Variants in LRRCC1 observed in about 807,000 individuals in gnomAD.
The protein encoded by LRRCC1 is leucine-rich repeat and coiled-coil domain-containing protein 1.
Under a neutral mutation model 126.0 loss-of-function variants are expected in LRRCC1, and 115 were observed. That is an observed-to-expected ratio of 0.91 (90% CI 0.78 to 1.07). LRRCC1 has a LOEUF of 1.07. LRRCC1 is among the 50% of genes least tolerant of loss of function. The probability of loss-of-function intolerance (pLI) is 0.00; values close to 1 mark genes in which losing one functional copy is unlikely to be tolerated. For synonymous variants in LRRCC1, 400 were observed against 393.4 expected, an observed-to-expected ratio of 1.02 and a Z score of -0.20; for missense variants, 1,172 against 1,175.7, an observed-to-expected ratio of 1.00 and a Z score of 0.05.
At chr8:85,127,602 A>T (rs1019128584) in intron 9 of LRRCC1, among the ~76,000 whole-genome samples, 5 of 152,116 alleles carry the variant, frequency 3.3e-5, no homozygotes, top group Admixed American at 1.3e-4. Context: ...TCTGATTTGG[A>T]TAAGTTGATG....
intron 4 of LRRCC1, among the ~76,000 whole-genome samples, chr8:85,113,633 T>A (rs1328764214): frequency 6.6e-6 from 1 of 152,106 alleles, no homozygotes; most frequent in African/African-American, 2.4e-5. Context: ...AAATGTATAA[T>A]GTTAGCTAAC....
Position 85,129,956 on chromosome 8 carries a change from C to A in LRRCC1, c.1664C>A (p.Ala555Asp). 1 of 1,594,596 alleles carries A rather than the reference C, an allele frequency of 6.3e-7. No homozygotes were observed. The highest frequency in any genetic ancestry group is 2.3e-5 in the East Asian group (1 of 43,604). Residue 555 changes from alanine (A) to aspartate (D), a missense_variant, in exon 11 of 19, where the codon GCT (alanine) becomes GAT (aspartate). Transcript: ENST00000360375. Reference protein sequence around the residue: ...LIQEVELKASAADREIYLLRT... With the variant: ...LIQEVELKASDADREIYLLRT... ...CAAGAGGTGGAACTCAAAGCTTCAGCTGCCGATAGAGAAATATACTTACTT... is the reference window on the plus strand; with the variant it reads ...CAAGAGGTGGAACTCAAAGCTTCAGATGCCGATAGAGAAATATACTTACTT...
At chr8:85,137,435 G>A in intron 14 of LRRCC1, 29 bp from the exon 15 acceptor site, 5 of 1,501,092 alleles carry the variant, frequency 3.3e-6, no homozygotes, top group Admixed American at 2.5e-5. Flanking sequence ...GTGTTTCAAA[G>A]TATGTAATTG....
intron 7 of LRRCC1, 24 bp from the exon 8 acceptor site, chr8:85,124,768 T>C: frequency 1.4e-6 from 2 of 1,445,138 alleles, no homozygotes; most frequent in African/African-American, 1.4e-5. Flanking sequence ...TTTTGAGTTA[T>C]TTTCTATGTT....
At chr8:85,111,855 C>G (rs1352768897) in intron 3 of LRRCC1, among the ~76,000 whole-genome samples, 3 of 150,692 alleles carry the variant, frequency 2.0e-5, no homozygotes, top group Non-Finnish European at 4.4e-5. Flanking sequence ...GGTACAACCA[C>G]TTTGGGAAGG....
At chr8:85,108,343 T>C (rs976663759) in intron 1 of LRRCC1, among the ~76,000 whole-genome samples, 3 of 152,246 alleles carry the variant, frequency 2.0e-5, no homozygotes, top group Non-Finnish European at 4.4e-5. Context: ...GCATGTTATA[T>C]ACATTATCAG....
At position 85,132,554 on chromosome 8, in the gene LRRCC1, G is replaced by A. The variant is rs553235630; in HGVS notation, c.1968+593G>A. 5.1e-4 allele frequency among the ~76,000 whole-genome samples: 78 copies of A among 151,938 alleles called. 1 individual carries two copies. Among genetic ancestry groups the A allele is most frequent in the Non-Finnish European group, 7.4e-4 (50 of 67,956 alleles). ...ACTACAGTCACAGGCCACCACGCCC[G>A]CCTAATTTTTGTATTTTTAGTAGAG... is the stretch of plus-strand genomic sequence containing the variant. On this transcript the variant is annotated intron_variant, in intron 12 of 18. Coordinates refer to ENST00000360375, the MANE Select transcript of LRRCC1 (RefSeq NM_033402.5).
intron 12 of LRRCC1, among the ~76,000 whole-genome samples, 191 bp downstream of exon 12, chr8:85,132,152 A>G (rs1262635211): frequency 6.6e-6 from 1 of 152,216 alleles, no homozygotes; most frequent in Non-Finnish European, 1.5e-5. Context: ...GCAAAAACTA[A>G]GTAAGATTAT....
Position 85,138,133 on chromosome 8 carries a change from A to G in LRRCC1, c.2592A>G (p.Gln864=). ...AACAACTTGATGAAAAATCTTCACA[A>G]CTGGATGAGGTACTTGAGAAGTTGG... ...TQEQLDEKSS[Q]LDEVLEKLER... is the part of the protein sequence containing the mutation. The change falls in exon 16 of 19, where the codon CAA becomes CAG. Residue 864 remains glutamine, a synonymous_variant. Coordinates refer to ENST00000360375, the MANE Select transcript of LRRCC1 (RefSeq NM_033402.5). 1.9e-6 allele frequency: 3 copies of G among 1,609,808 alleles called. No individual in the cohort carries two copies. The highest frequency in any genetic ancestry group is 2.5e-6 in the Non-Finnish European group (3 of 1,177,472).
chr8:85,112,127 G>A (rs887306280), intron 3 of LRRCC1, among the ~76,000 whole-genome samples: 1 of 152,116 alleles, frequency 6.6e-6, no homozygotes, highest in Non-Finnish European at 1.5e-5. Context: ...CTCCCAAAGT[G>A]CTGAGATTAC....
intron 6 of LRRCC1, among the ~76,000 whole-genome samples, chr8:85,121,029 A>G (rs937080091): frequency 6.6e-6 from 1 of 152,242 alleles, no homozygotes; most frequent in African/African-American, 2.4e-5. Flanking sequence ...TTCCAAAGTA[A>G]CTGCGCCATT....
At chr8:85,125,093 T>C (rs1809871523) in intron 8 of LRRCC1, among the ~76,000 whole-genome samples, 154 bp downstream of exon 8, 1 of 152,214 alleles carries the variant, frequency 6.6e-6, no homozygotes, top group Admixed American at 6.5e-5. Flanking sequence ...CCAGATTTTA[T>C]GTAATGTTAT....
intron 9 of LRRCC1, among the ~76,000 whole-genome samples, chr8:85,128,808 TTTGC>T (rs1810213143): frequency 6.6e-6 from 1 of 152,174 alleles, no homozygotes; most frequent in African/African-American, 2.4e-5. Flanking sequence ...ATCTTTGTTT[TTTGC>T]TTCCTTTCTC....
chr8:85,126,603 A>ATTTCCTACTGTTATAAAT lies in LRRCC1; in HGVS notation c.1273-84_1273-83insTCCTACTGTTATAAATTT. The stretch of plus-strand genomic sequence containing the variant: ...GTAGCTCTTTGAAGTAGGTACTATT[A>ATTTCCTACTGTTATAAAT]TTCCCCTGTTATAAATGGGAAAATT... On this transcript the variant is annotated intron_variant, in intron 8 of 18. Coordinates refer to ENST00000360375, the MANE Select transcript of LRRCC1 (RefSeq NM_033402.5). 6 of 1,121,970 alleles carry ATTTCCTACTGTTATAAAT rather than the reference A, an allele frequency of 5.3e-6. No homozygotes were observed. The South Asian group carries it at 9.1e-5, about 17-fold the overall frequency. The allele number at this position is 1,121,970 out of a possible 1,614,324, so 69.5% of individuals were successfully genotyped here.
chr8:85,140,111 A>C (rs936647753), intron 17 of LRRCC1, among the ~76,000 whole-genome samples: 1 of 152,208 alleles, frequency 6.6e-6, no homozygotes, highest in Non-Finnish European at 1.5e-5. Context: ...AAAATTATAA[A>C]ACCTAACAAT....
Position 85,138,198 on chromosome 8 carries a change from TGAAAG to T in LRRCC1, c.2666_2670del (p.Lys889SerfsTer4), listed in dbSNP as rs968886746. 1.6e-5 allele frequency: 26 copies of T among 1,611,898 alleles called. No homozygotes were observed. The highest frequency in any genetic ancestry group is 9.4e-5 in the African/African-American group (7 of 74,734). The stretch of plus-strand genomic sequence containing the variant: ...AGAAAAGAAAAACTAAAACAACAGT[TGAAAG>T]GAAAGGAAGTAGAACTTGAAGAAAT... On this transcript the variant is annotated frameshift_variant, in exon 16 of 19. Transcript: ENST00000360375. LOFTEE classifies it high-confidence loss of function.
chr8:85,141,111 G>A (rs1811219101), intron 17 of LRRCC1, among the ~76,000 whole-genome samples: 2 of 152,006 alleles, frequency 1.3e-5, no homozygotes, highest in South Asian at 4.2e-4. Context: ...AATAAATGGG[G>A]AAACAGAGTA....
In LRRCC1 at chr8:85,126,761, G is replaced by C; in HGVS notation, c.1345G>C (p.Asp449His). 2 of 1,612,604 alleles carry C rather than the reference G, an allele frequency of 1.2e-6. No individual in the cohort carries two copies. Among genetic ancestry groups the C allele is most frequent in the South Asian group, 1.1e-5 (1 of 91,064 alleles). Residue 449 changes from aspartate to histidine, a missense_variant, in exon 9 of 19, where the codon GAT becomes CAT. Asp to His is a moderately conservative substitution (Grantham distance 81). Transcript: ENST00000360375. Reference sequence around the variant, plus strand: ...TGAGCAAGCCGAAAATAAACTCATGGATTATATTGATGAGCTGCATAAACA... The same window carrying C: ...TGAGCAAGCCGAAAATAAACTCATGCATTATATTGATGAGCTGCATAAACA... ...RAEQAENKLM[D>H]YIDELHKHAN... is the part of the protein sequence containing the mutation.
At chr8:85,114,674 G>A (rs780194959) in intron 4 of LRRCC1, among the ~76,000 whole-genome samples, 1 of 151,992 alleles carries the variant, frequency 6.6e-6, no homozygotes, top group Non-Finnish European at 1.5e-5. Flanking sequence ...CTGAGACCTC[G>A]CTAGGGAAAT....
Sources: allele counts gnomAD v4.1 joint callset (sites outside exome capture counted in the v4.1 genomes callset), GRCh38; gene constraint gnomAD v4.1.1; transcripts MANE v1.5; gene names NCBI Gene and HGNC (gene_info 2026-07-23, HGNC 2026-07-21).